Variants in BCAR3 observed in about 807,000 individuals in gnomAD.
BCAR3 encodes breast cancer anti-estrogen resistance protein 3.
BCAR3 carries 37 observed loss-of-function variants against 80.1 expected under a neutral mutation model. The observed-to-expected ratio is 0.46, with a 90% CI of 0.36 to 0.61. BCAR3 has a LOEUF of 0.61. Among genes scored for constraint, BCAR3 ranks in the 20% least tolerant of loss-of-function variants. The probability of loss-of-function intolerance (pLI) is 0.00; values close to 1 mark genes in which losing one functional copy is unlikely to be tolerated. For synonymous variants in BCAR3, 389 were observed against 418.9 expected (o/e 0.93, Z 0.87); for missense variants, 978 against 1,068.2 (o/e 0.92, Z 1.18).
chr1:93,591,168 TA>T (rs35143036), intron 4 of BCAR3, among the ~76,000 whole-genome samples: 453 of 66,316 alleles, frequency 6.8e-3, no homozygotes, highest in South Asian at 0.011. Flanking sequence ...TCTACTACAT[TA>T]AAAAAAAAAA....
At chr1:93,700,612 G>A (rs1649605849) in intron 3 of BCAR3, among the ~76,000 whole-genome samples, 1 of 151,930 alleles carries the variant, frequency 6.6e-6, no homozygotes, top group South Asian at 2.1e-4. Context: ...TCCCCTCCTT[G>A]GCAGATGGAT....
chr1:93,837,942 G>A (rs1654825974), intron 2 of BCAR3, among the ~76,000 whole-genome samples: 1 of 152,214 alleles, frequency 6.6e-6, no homozygotes, highest in Non-Finnish European at 1.5e-5. Flanking sequence ...ACTCACATGA[G>A]TCATGTTCAA....
At chr1:93,746,313 C>T (rs947955763) in intron 2 of BCAR3, among the ~76,000 whole-genome samples, 2 of 152,230 alleles carry the variant, frequency 1.3e-5, no homozygotes, top group Non-Finnish European at 2.9e-5. Context: ...TGCTACAAGG[C>T]TGTGCTCAAT....
At chr1:93,784,987 A>G (rs1045433067) in intron 2 of BCAR3, among the ~76,000 whole-genome samples, 2 of 152,180 alleles carry the variant, frequency 1.3e-5, no homozygotes, top group African/African-American at 4.8e-5. Flanking sequence ...GATTAAGGAG[A>G]GTTCTGCTCC....
intron 2 of BCAR3, among the ~76,000 whole-genome samples, chr1:93,671,057 A>T (rs1648178954): frequency 6.6e-6 from 1 of 152,136 alleles, no homozygotes; most frequent in African/African-American, 2.4e-5. Context: ...CAGTGGCGTG[A>T]TCTCAGCTCA....
At chr1:93,702,549 T>A (rs1372191135) in intron 3 of BCAR3, among the ~76,000 whole-genome samples, 1 of 126,928 alleles carries the variant, frequency 7.9e-6, no homozygotes, top group East Asian at 2.7e-4. Flanking sequence ...CAGGCCCAGG[T>A]GGGGGTGGGG....
chr1:93,757,915 G>T (rs1651801396), intron 2 of BCAR3, among the ~76,000 whole-genome samples: 1 of 152,214 alleles, frequency 6.6e-6, no homozygotes, highest in African/African-American at 2.4e-5. Context: ...GAGAAAGGAG[G>T]CTCGGACACA....
At chr1:93,616,654 G>A (rs1265610497) in intron 3 of BCAR3, among the ~76,000 whole-genome samples, 1 of 152,210 alleles carries the variant, frequency 6.6e-6, no homozygotes, top group Non-Finnish European at 1.5e-5. Flanking sequence ...CCGTGAAAGG[G>A]CTGTGACCTG....
intron 11 of BCAR3, among the ~76,000 whole-genome samples, chr1:93,564,290 C>CTT (rs35780346): frequency 2.2e-4 from 23 of 103,658 alleles, no homozygotes; most frequent in South Asian, 6.3e-4. Context: ...TTCTTTCTTT[C>CTT]TTTTTTTTTT....
At chr1:93,641,207 C>T (rs895253734) in intron 3 of BCAR3, among the ~76,000 whole-genome samples, 7 of 152,286 alleles carry the variant, frequency 4.6e-5, no homozygotes, top group Middle Eastern at 3.4e-3. Context: ...TCACTACGAC[C>T]GCCCCAAGTG....
At chr1:93,732,959 GA>G (rs1650843252) in intron 2 of BCAR3, among the ~76,000 whole-genome samples, 1 of 152,224 alleles carries the variant, frequency 6.6e-6, no homozygotes, top group South Asian at 2.1e-4. Context: ...TACAGAAGGA[GA>G]AGCATTTGCA....
At chr1:93,807,958 G>A (rs1433088786) in intron 2 of BCAR3, among the ~76,000 whole-genome samples, 1 of 151,158 alleles carries the variant, frequency 6.6e-6, no homozygotes, top group Non-Finnish European at 1.5e-5. Context: ...GAGGTGGGAG[G>A]TTCAGGGAGG....
At chr1:93,730,361 G>C (rs1304183469) in intron 2 of BCAR3, among the ~76,000 whole-genome samples, 1 of 152,126 alleles carries the variant, frequency 6.6e-6, no homozygotes, top group East Asian at 1.9e-4. Context: ...AAACTGGGCT[G>C]ACAGTGGGTG....
intron 2 of BCAR3, among the ~76,000 whole-genome samples, chr1:93,783,748 A>T (rs903969244): frequency 6.6e-6 from 1 of 152,230 alleles, no homozygotes; most frequent in South Asian, 2.1e-4. Context: ...GCGTTGTGGT[A>T]GATTGCACTT....
chr1:93,696,762 G>T (rs552016021), intron 3 of BCAR3, among the ~76,000 whole-genome samples: 115 of 152,262 alleles, frequency 7.6e-4, no homozygotes, highest in Non-Finnish European at 1.4e-3. Flanking sequence ...TGCTCCTACA[G>T]TTTCTTTCAT....
chr1:93,785,218 C>T (rs955990077), intron 2 of BCAR3, among the ~76,000 whole-genome samples: 1 of 152,174 alleles, frequency 6.6e-6, no homozygotes, highest in African/African-American at 2.4e-5. Flanking sequence ...TTGGAAACAC[C>T]AAATGAAGGG....
chr1:93,605,934 G>A (rs777902115), intron 3 of BCAR3, among the ~76,000 whole-genome samples: 6 of 152,196 alleles, frequency 3.9e-5, no homozygotes, highest in Non-Finnish European at 8.8e-5. Context: ...CCAGCGTGGG[G>A]TGTAGAACAA....
chr1:93,840,170 C>T (rs12122113), intron 2 of BCAR3, among the ~76,000 whole-genome samples: 42,754 of 152,024 alleles, frequency 0.28, 7,104 homozygotes, highest in East Asian at 0.53. Context: ...GTTTGAAGAC[C>T]GCTAGTCTAA....
chr1:93,834,867 C>CG (rs887363600), intron 2 of BCAR3, among the ~76,000 whole-genome samples: 3 of 152,214 alleles, frequency 2.0e-5, no homozygotes, highest in Non-Finnish European at 4.4e-5. Context: ...CCTGATACCA[C>CG]ACCTGACCTC....
Sources: allele counts gnomAD v4.1 joint callset (sites outside exome capture counted in the v4.1 genomes callset), GRCh38; gene constraint gnomAD v4.1.1; transcripts MANE v1.5; gene names NCBI Gene and HGNC (gene_info 2026-07-23, HGNC 2026-07-21).